Variants in NSMCE2 observed in about 807,000 individuals in gnomAD.
The protein encoded by NSMCE2 is NSE2 SUMO ligase component of SMC5/6 complex.
NSMCE2 carries 24 observed loss-of-function variants against 23.8 expected under a neutral mutation model. The observed-to-expected ratio is 1.01, with a 90% CI of 0.73 to 1.42. NSMCE2 has a LOEUF of 1.42. Ranked by LOEUF, NSMCE2 falls within the 40% of genes most tolerant of loss-of-function variation. The pLI, the probability that NSMCE2 is intolerant of heterozygous loss-of-function variation, is 0.00. For synonymous variants in NSMCE2, 92 were observed against 94.1 expected (o/e 0.98, Z 0.13); for missense variants, 284 against 296.5 (o/e 0.96, Z 0.31).
chr8:125,340,181 A>AT lies in NSMCE2; in HGVS notation c.419-17028dup, dbSNP rs943013393. ...AGGCGCCCGCCATCACGCCCGGCTA[A>AT]TTTTTTTTTTGTATTTTTAGTAGAG... On this transcript the variant is annotated intron_variant, in intron 5 of 7. Coordinates refer to ENST00000287437, the MANE Select transcript of NSMCE2 (RefSeq NM_173685.4). Among the ~76,000 whole-genome samples the AT allele has an allele frequency of 2.0e-3, 302 of 148,366 alleles. 1 individual carries two copies. Among genetic ancestry groups the AT allele is most frequent in the African/African-American group, 6.7e-3 (270 of 40,496 alleles).
chr8:125,134,374 A>G (rs557045059), intron 3 of NSMCE2, among the ~76,000 whole-genome samples: 2 of 152,294 alleles, frequency 1.3e-5, no homozygotes, highest in East Asian at 1.9e-4. Flanking sequence ...TATGGGATCT[A>G]TGTGTGGAGT....
At chr8:125,141,913 G>T (rs568793249) in intron 3 of NSMCE2, among the ~76,000 whole-genome samples, 7 of 152,074 alleles carry the variant, frequency 4.6e-5, no homozygotes, top group South Asian at 2.1e-4. Flanking sequence ...AGCATTTGCC[G>T]GGCAAATGAG....
chr8:125,337,820 G>GGGAGGT, intron 5 of NSMCE2, among the ~76,000 whole-genome samples: 1 of 150,878 alleles, frequency 6.6e-6, no homozygotes, highest in Non-Finnish European at 1.5e-5. Context: ...GCTTGAACCT[G>GGGAGGT]GGAGGTGGAG....
At chr8:125,184,464 ACTTC>A (rs529055290) in intron 5 of NSMCE2, among the ~76,000 whole-genome samples, 4 of 152,240 alleles carry the variant, frequency 2.6e-5, no homozygotes, top group Non-Finnish European at 5.9e-5. Context: ...TGAAAGAAAT[ACTTC>A]CTTATAAAGT....
chr8:125,358,226 G>A (rs1436610043), intron 7 of NSMCE2, among the ~76,000 whole-genome samples: 1 of 151,788 alleles, frequency 6.6e-6, no homozygotes, highest in South Asian at 2.1e-4. Flanking sequence ...CCAGCTACTC[G>A]GGAGGCTGAG....
At chr8:125,341,332 T>C (rs1427103104) in intron 5 of NSMCE2, among the ~76,000 whole-genome samples, 1 of 152,166 alleles carries the variant, frequency 6.6e-6, no homozygotes. Flanking sequence ...TCTTTATATT[T>C]TCCTGTAGAG....
In NSMCE2 at chr8:125,308,722, T is replaced by C. The variant is rs1828856232; in HGVS notation, c.419-48497T>C. On this transcript the variant is annotated intron_variant, in intron 5 of 7. Transcript: ENST00000287437. ...TTATTGGGAAGCCATTTTCCTCCCC[T>C]TTTTCAAGCCACATGGCCAACCCAC... Among the ~76,000 whole-genome samples, 3 of 152,332 alleles carry C rather than the reference T, an allele frequency of 2.0e-5. No homozygotes were observed. In the South Asian group the frequency reaches 6.2e-4, roughly 32 times the overall value.
At chr8:125,132,877 T>C (rs1307219234) in intron 3 of NSMCE2, among the ~76,000 whole-genome samples, 1 of 152,154 alleles carries the variant, frequency 6.6e-6, no homozygotes, top group Non-Finnish European at 1.5e-5. Flanking sequence ...TACAGTAACA[T>C]AGAACATGAG....
At chr8:125,223,043 C>T (rs1362253346) in intron 5 of NSMCE2, among the ~76,000 whole-genome samples, 2 of 151,306 alleles carry the variant, frequency 1.3e-5, no homozygotes, top group South Asian at 2.1e-4. Context: ...GCCTGGGCAA[C>T]AGAGTGAGAC....
At chr8:125,111,421 A>G (rs1010741338) in intron 3 of NSMCE2, among the ~76,000 whole-genome samples, 1 of 152,228 alleles carries the variant, frequency 6.6e-6, no homozygotes, top group Admixed American at 6.5e-5. Context: ...AAACTCCCAG[A>G]AAATTGTGAT....
At chr8:125,282,223 C>T (rs952375269) in intron 5 of NSMCE2, among the ~76,000 whole-genome samples, 3 of 151,962 alleles carry the variant, frequency 2.0e-5, no homozygotes, top group Non-Finnish European at 2.9e-5. Flanking sequence ...AAGCGATTCT[C>T]CTGCCTCAAC....
intron 5 of NSMCE2, among the ~76,000 whole-genome samples, chr8:125,271,949 C>T (rs993659434): frequency 6.6e-6 from 1 of 151,398 alleles, no homozygotes; most frequent in Non-Finnish European, 1.5e-5. Flanking sequence ...CAGAGATATT[C>T]GGTGACTTGG....
intron 4 of NSMCE2, among the ~76,000 whole-genome samples, chr8:125,170,376 CTTT>C (rs565593006): frequency 0.017 from 653 of 37,538 alleles, no homozygotes; most frequent in Non-Finnish European, 0.024. Context: ...CTCTTTATTT[CTTT>C]TTTTTTTTTT....
At chr8:125,309,248 CAAAAA>C (rs111355815) in intron 5 of NSMCE2, among the ~76,000 whole-genome samples, 1 of 65,522 alleles carries the variant, frequency 1.5e-5, no homozygotes, top group Non-Finnish European at 3.7e-5. Context: ...AACTCTGTCT[CAAAAA>C]AAAAAAAAAA....
intron 4 of NSMCE2, among the ~76,000 whole-genome samples, chr8:125,153,943 G>A (rs1469964882): frequency 6.6e-6 from 1 of 152,002 alleles, no homozygotes; most frequent in Non-Finnish European, 1.5e-5. Context: ...GTCCTATTCT[G>A]GAATTCAAGA....
intron 5 of NSMCE2, among the ~76,000 whole-genome samples, chr8:125,299,520 A>G (rs1828466749): frequency 6.6e-6 from 1 of 152,188 alleles, no homozygotes; most frequent in South Asian, 2.1e-4. Context: ...TCACTATGAT[A>G]GGAACAGCAT....
At chr8:125,171,997 G>T (rs566809019) in intron 4 of NSMCE2, among the ~76,000 whole-genome samples, 1 of 152,022 alleles carries the variant, frequency 6.6e-6, no homozygotes, top group Non-Finnish European at 1.5e-5. Context: ...GACCATGTTG[G>T]CTACTGTATT....
chr8:125,360,769 G>T (rs1035096582), intron 7 of NSMCE2, among the ~76,000 whole-genome samples: 1 of 152,096 alleles, frequency 6.6e-6, no homozygotes, highest in African/African-American at 2.4e-5. Context: ...AGTATTTCTG[G>T]GTTCGCTTTG....
At chr8:125,113,060 G>A (rs904790704) in intron 3 of NSMCE2, among the ~76,000 whole-genome samples, 1 of 138,324 alleles carries the variant, frequency 7.2e-6, no homozygotes, top group African/African-American at 2.7e-5. Context: ...CAGAAAATGG[G>A]GGGGGGGGTG....
Sources: gnomAD v4.1 joint callset for allele counts (sites outside exome capture counted in the v4.1 genomes callset) on GRCh38, gnomAD v4.1.1 for gene constraint, MANE v1.5 for transcripts, NCBI Gene and HGNC (gene_info 2026-07-23, HGNC 2026-07-21) for gene names.